Variants in SCML4 observed in about 807,000 individuals in gnomAD.
SCML4 encodes the protein Scm polycomb group protein like 4, also known as sex comb on midleg-like protein 4.
Under a neutral mutation model 41.1 loss-of-function variants are expected in SCML4, and 34 were observed. The ratio of observed to expected loss-of-function variants is 0.83; its 90% CI spans 0.63 to 1.10. SCML4 has a LOEUF of 1.10. Ranked by LOEUF, SCML4 falls within the 50% of genes least tolerant of loss-of-function variation. The pLI is 0.00. For missense variants in SCML4, 522 were observed against 534.1 expected (o/e 0.98, Z 0.22); for synonymous variants, 214 against 220.9 (o/e 0.97, Z 0.28).
the SCML4 span, among the ~76,000 whole-genome samples, chr6:107,839,946 A>G: frequency 1.3e-5 from 2 of 152,144 alleles, no homozygotes; most frequent in Non-Finnish European, 2.9e-5. Flanking sequence ...AATAAAATTT[A>G]ATCACAAATT....
chr6:107,776,095 G>T (rs1411613368), intron 1 of SCML4, among the ~76,000 whole-genome samples: 1 of 152,104 alleles, frequency 6.6e-6, no homozygotes, highest in Non-Finnish European at 1.5e-5. Context: ...ATGGGGATGA[G>T]CTTTCTAAGT....
intron 5 of SCML4, among the ~76,000 whole-genome samples, chr6:107,730,850 AC>A (rs1336270496): frequency 6.6e-6 from 1 of 152,216 alleles, no homozygotes; most frequent in Non-Finnish European, 1.5e-5. Context: ...CTCAAGGCAT[AC>A]CTGTTTGCAT....
intron 5 of SCML4, among the ~76,000 whole-genome samples, chr6:107,726,524 C>T (rs1338258133): frequency 1.2e-5 from 1 of 86,074 alleles, no homozygotes; most frequent in African/African-American, 5.6e-5. Context: ...CAGACCGAGA[C>T]TCCATCTCAA....
At chr6:107,839,360 A>AGAAG in the SCML4 span, among the ~76,000 whole-genome samples, 1 of 76,306 alleles carries the variant, frequency 1.3e-5, no homozygotes, top group African/African-American at 4.9e-5. Flanking sequence ...AAAGAAAGAA[A>AGAAG]GAAAGAAGGA....
chr6:107,831,286 C>G, the SCML4 span, among the ~76,000 whole-genome samples: 10 of 152,042 alleles, frequency 6.6e-5, no homozygotes, highest in South Asian at 2.1e-4. Flanking sequence ...GGTTCCATCT[C>G]CCTTTATTTG....
chr6:107,722,016 C>T (rs1775478761), intron 5 of SCML4, among the ~76,000 whole-genome samples: 1 of 134,536 alleles, frequency 7.4e-6, no homozygotes, highest in Admixed American at 8.2e-5. Flanking sequence ...GAGTTTTAAT[C>T]AATAAGTCTG....
chr6:107,825,232 C>A (rs1785206775), upstream of SCML4, among the ~76,000 whole-genome samples: 1 of 152,200 alleles, frequency 6.6e-6, no homozygotes, highest in African/African-American at 2.4e-5. Context: ...GTATTTCCTA[C>A]AAGATGAAAC....
At chr6:107,731,715 C>T (rs1333027946) in intron 5 of SCML4, among the ~76,000 whole-genome samples, 1 of 152,242 alleles carries the variant, frequency 6.6e-6, no homozygotes, top group East Asian at 1.9e-4. Context: ...GTTCGGCTTG[C>T]TGACAGAGAT....
chr6:107,785,506 T>G (rs1219104028), intron 1 of SCML4, among the ~76,000 whole-genome samples: 2 of 152,138 alleles, frequency 1.3e-5, no homozygotes, highest in Non-Finnish European at 2.9e-5. Flanking sequence ...CCTGGGTGGA[T>G]AGAGGGGTGA....
chr6:107,844,942 A>T, the SCML4 span, among the ~76,000 whole-genome samples: 60 of 151,412 alleles, frequency 4.0e-4, 1 homozygote, highest in East Asian at 6.4e-3. Flanking sequence ...TATTAAAAAA[A>T]AAAAAAAAAA....
intron 1 of SCML4, among the ~76,000 whole-genome samples, chr6:107,787,296 A>AT (rs1226164185): frequency 2.0e-5 from 3 of 151,764 alleles, no homozygotes; most frequent in Non-Finnish European, 4.4e-5. Context: ...GCTGATCCGA[A>AT]TTTTTTTTTG....
rs572984271 is a variant in SCML4 at position 107,736,453 on chromosome 6, G to C, written c.682+8496C>G. Among the ~76,000 whole-genome samples the C allele has an allele frequency of 5.3e-5, 8 of 152,290 alleles. No homozygotes were observed. The South Asian group carries it at 1.7e-3, about 32-fold the overall frequency. On this transcript the variant is annotated intron_variant, in intron 5 of 7. Coordinates refer to ENST00000369020, the MANE Select transcript of SCML4 (RefSeq NM_198081.5). ...GAAAAACTTGGAGAGGAAAAGCAAA[G>C]GGCCGGGGATGAGAAGACCTGCTCT...
intron 1 of SCML4, among the ~76,000 whole-genome samples, chr6:107,793,822 G>C (rs1782518728): frequency 6.6e-6 from 1 of 152,116 alleles, no homozygotes; most frequent in African/African-American, 2.4e-5. Flanking sequence ...GCATGCACCT[G>C]TGGTACCAGC....
At chr6:107,734,391 C>T (rs1023537652) in intron 5 of SCML4, among the ~76,000 whole-genome samples, 3 of 152,192 alleles carry the variant, frequency 2.0e-5, no homozygotes, top group African/African-American at 4.8e-5. Context: ...ATACCTTGGG[C>T]GATTAAAACA....
At position 107,720,694 on chromosome 6, in the gene SCML4, T is replaced by C; in HGVS notation, c.973+9A>G. 6.5e-7 allele frequency: 1 copy of C among 1,532,686 alleles called. No homozygotes were observed. The highest frequency in any genetic ancestry group is 8.8e-7 in the Non-Finnish European group (1 of 1,141,730). 94.9% of individuals were successfully genotyped at this position (1,532,686 alleles called of 1,614,324 possible). ...AGTCAGTGGGAAGCTGATGCATGCA[T>C]TACATTACCACATCTGTTTCCTTCA... On this transcript the variant is annotated intron_variant, in intron 6 of 7. Coordinates refer to ENST00000369020, the MANE Select transcript of SCML4 (RefSeq NM_198081.5).
chr6:107,717,183 G>T (rs1774920067), intron 6 of SCML4, among the ~76,000 whole-genome samples: 1 of 145,486 alleles, frequency 6.9e-6, no homozygotes, highest in Non-Finnish European at 1.5e-5. Flanking sequence ...AGCCAGGTGT[G>T]GTGGCAGGCA....
At chr6:107,751,598 C>A (rs900639375) in intron 2 of SCML4, among the ~76,000 whole-genome samples, 1 of 140,284 alleles carries the variant, frequency 7.1e-6, no homozygotes, top group African/African-American at 2.7e-5. Context: ...TTCTTTCTTT[C>A]TTTCTTTCTT....
chr6:107,779,102 C>G (rs571814148), intron 1 of SCML4, among the ~76,000 whole-genome samples: 1 of 152,124 alleles, frequency 6.6e-6, no homozygotes, highest in African/African-American at 2.4e-5. Flanking sequence ...ATGGCGGGAA[C>G]CCGGGAGGCG....
intron 2 of SCML4, among the ~76,000 whole-genome samples, chr6:107,763,308 TG>T (rs1453104463): frequency 6.6e-6 from 1 of 151,822 alleles, no homozygotes; most frequent in Non-Finnish European, 1.5e-5. Context: ...TAGTTGGAGG[TG>T]GAGCCTTTGG....
Sources: gnomAD v4.1 joint callset for allele counts (sites outside exome capture counted in the v4.1 genomes callset) on GRCh38, gnomAD v4.1.1 for gene constraint, MANE v1.5 for transcripts, NCBI Gene and HGNC (gene_info 2026-07-23, HGNC 2026-07-21) for gene names.